The following AFF3 variants were observed in gnomAD, a reference collection of about 807,000 sequenced individuals.
AFF3 encodes ALF transcription elongation factor 3.
AFF3 carries 32 observed loss-of-function variants against 129.7 expected under a neutral mutation model. The observed-to-expected ratio is 0.25, with a 90% CI of 0.19 to 0.33. AFF3 has a LOEUF of 0.33. Among genes scored for constraint, AFF3 ranks in the 10% least tolerant of loss-of-function variants. The probability of loss-of-function intolerance (pLI) is 1.00; values close to 1 mark genes in which losing one functional copy is unlikely to be tolerated. For missense variants in AFF3, 1,373 were observed against 1,592.0 expected (o/e 0.86, Z 2.34); for synonymous variants, 644 against 635.4 (o/e 1.01, Z -0.20).
At chr2:99,718,760 T>A (rs1213737798) in intron 11 of AFF3, among the ~76,000 whole-genome samples, 2 of 152,032 alleles carry the variant, frequency 1.3e-5, no homozygotes, top group Non-Finnish European at 2.9e-5. Flanking sequence ...TCAATTTTTT[T>A]TTTTTTTTCA....
chr2:99,934,511 T>G (rs950969165), intron 7 of AFF3, among the ~76,000 whole-genome samples: 1 of 151,952 alleles, frequency 6.6e-6, no homozygotes, highest in Non-Finnish European at 1.5e-5. Flanking sequence ...GCCAATGACA[T>G]GTAAAGCAAA....
At chr2:99,958,437 A>G (rs573794370) in intron 7 of AFF3, among the ~76,000 whole-genome samples, 1 of 150,956 alleles carries the variant, frequency 6.6e-6, no homozygotes, top group Admixed American at 6.6e-5. Context: ...AGGAGCCGAG[A>G]TCGTGTCACT....
chr2:100,120,172 G>A (rs1002477779), intron 2 of AFF3, among the ~76,000 whole-genome samples: 1 of 152,182 alleles, frequency 6.6e-6, no homozygotes, highest in African/African-American at 2.4e-5. Flanking sequence ...AATGGAAGGC[G>A]ACACACCTGC....
intron 11 of AFF3, among the ~76,000 whole-genome samples, chr2:99,716,503 A>G (rs888237604): frequency 2.6e-5 from 4 of 152,106 alleles, no homozygotes; most frequent in African/African-American, 4.8e-5. Context: ...AACACATGTC[A>G]AGTGCCAAGA....
intron 11 of AFF3, among the ~76,000 whole-genome samples, chr2:99,681,292 A>C (rs1233117444): frequency 6.6e-6 from 1 of 152,182 alleles, no homozygotes. Flanking sequence ...TGAGACAATA[A>C]AGGTGAAAGC....
At chr2:99,636,558 C>T (rs913227583) in intron 13 of AFF3, among the ~76,000 whole-genome samples, 1 of 152,168 alleles carries the variant, frequency 6.6e-6, no homozygotes, top group Non-Finnish European at 1.5e-5. Flanking sequence ...AAACCCAAGG[C>T]CACGGACAAT....
rs148597672 is a variant in AFF3, at chr2:99,846,112, G to A, written c.874-8588C>T. ...CTCCCAAAGTGCTGGGATTACAGGC[G>A]TGAGCCACCATACTCAGCCTATGTA... On this transcript the variant is annotated intron_variant, in intron 7 of 24. Transcript: ENST00000672756. Among the ~76,000 whole-genome samples the A allele has an allele frequency of 5.6e-3, 848 of 151,634 alleles. 10 individuals carry two copies. Among genetic ancestry groups the A allele is most frequent in the African/African-American group, 0.02 (808 of 41,328 alleles).
In AFF3 at chr2:100,034,106, C is replaced by T. The variant is rs531657475; in HGVS notation, c.54-25174G>A. Among the ~76,000 whole-genome samples, 396 of 152,284 alleles carry T rather than the reference C, an allele frequency of 2.6e-3. 1 individual carries two copies. The highest frequency in any genetic ancestry group is 9.2e-3 in the African/African-American group (384 of 41,574). On this transcript the variant is annotated intron_variant, in intron 4 of 24. Transcript: ENST00000672756. ...GTTATCACTCCAGTCATGCAAGTAG[C>T]TTAAAAACTGACATATTAGCATTGA...
At chr2:99,841,799 C>T (rs943654525) in intron 7 of AFF3, among the ~76,000 whole-genome samples, 1 of 152,210 alleles carries the variant, frequency 6.6e-6, no homozygotes, top group Non-Finnish European at 1.5e-5. Flanking sequence ...AATCCACTCA[C>T]ATTTCAACAC....
At chr2:99,929,745 T>C (rs1400629844) in intron 7 of AFF3, among the ~76,000 whole-genome samples, 1 of 152,150 alleles carries the variant, frequency 6.6e-6, no homozygotes, top group Non-Finnish European at 1.5e-5. Flanking sequence ...CAAATGTGTT[T>C]TGGGTACAGC....
chr2:100,029,173 G>C (rs1435560123), intron 4 of AFF3, among the ~76,000 whole-genome samples: 2 of 152,196 alleles, frequency 1.3e-5, no homozygotes, highest in African/African-American at 4.8e-5. Context: ...CTAACCTCCA[G>C]TATCTACTGT....
intron 7 of AFF3, among the ~76,000 whole-genome samples, chr2:99,886,377 A>G (rs1693112156): frequency 6.6e-6 from 1 of 151,960 alleles, no homozygotes; most frequent in Non-Finnish European, 1.5e-5. Flanking sequence ...ATGCCCCAAG[A>G]TGCTGACAGT....
chr2:100,113,189 C>T (rs1274798762), intron 2 of AFF3, among the ~76,000 whole-genome samples: 1 of 152,140 alleles, frequency 6.6e-6, no homozygotes, highest in African/African-American at 2.4e-5. Context: ...TAAGTCATTT[C>T]AGATATTGAT....
At chr2:99,836,939 C>A (rs1336662889) in intron 8 of AFF3, among the ~76,000 whole-genome samples, 2 of 152,168 alleles carry the variant, frequency 1.3e-5, no homozygotes, top group Non-Finnish European at 2.9e-5. Flanking sequence ...GGGCACGAAA[C>A]TGGTTCAGGG....
chr2:99,817,238 A>G (rs1687311018), intron 8 of AFF3, among the ~76,000 whole-genome samples: 1 of 152,174 alleles, frequency 6.6e-6, no homozygotes. Context: ...ACAAAGTACA[A>G]ACCTCCCCGG....
intron 7 of AFF3, among the ~76,000 whole-genome samples, chr2:99,921,593 A>G (rs1695861290): frequency 6.6e-6 from 1 of 152,198 alleles, no homozygotes; most frequent in South Asian, 2.1e-4. Context: ...TCAATGTACT[A>G]TCTTTGCAAC....
At chr2:100,110,608 C>T (rs1691479804) in intron 2 of AFF3, among the ~76,000 whole-genome samples, 1 of 152,212 alleles carries the variant, frequency 6.6e-6, no homozygotes, top group African/African-American at 2.4e-5. Flanking sequence ...GGAGAAAGGG[C>T]AGCAGAAGAT....
At chr2:99,817,475 T>C (rs1687331652) in intron 8 of AFF3, among the ~76,000 whole-genome samples, 1 of 152,250 alleles carries the variant, frequency 6.6e-6, no homozygotes, top group Admixed American at 6.5e-5. Flanking sequence ...TTTGGCTTTT[T>C]TTCCTGTTCT....
At chr2:99,883,936 T>C (rs1692913791) in intron 7 of AFF3, among the ~76,000 whole-genome samples, 1 of 152,218 alleles carries the variant, frequency 6.6e-6, no homozygotes, top group African/African-American at 2.4e-5. Context: ...CAGACAGAAC[T>C]CTGCTTGATT....
Sources: allele counts gnomAD v4.1 joint callset (sites outside exome capture counted in the v4.1 genomes callset), GRCh38; gene constraint gnomAD v4.1.1; transcripts MANE v1.5; gene names NCBI Gene and HGNC (gene_info 2026-07-23, HGNC 2026-07-21).